Variants in AMMECR1L observed in about 807,000 individuals in gnomAD.
AMMECR1L encodes AMMECR1 like, also known as AMMECR1-like protein.
A neutral mutation model predicts 36.8 loss-of-function variants in AMMECR1L; 4 were observed. The ratio of observed to expected loss-of-function variants is 0.11; its 90% confidence interval spans 0.05 to 0.25. The LOEUF (loss-of-function observed/expected upper bound fraction) is 0.25. Among genes scored for constraint, AMMECR1L ranks in the 10% least tolerant of loss-of-function variants. The pLI, the probability that AMMECR1L is intolerant of heterozygous loss-of-function variation, is 1.00. For synonymous variants in AMMECR1L, 147 were observed against 148.0 expected (o/e 0.99, Z 0.05); for missense variants, 232 against 392.1 (o/e 0.59, Z 3.45).
intron 1 of AMMECR1L, chr2:127,884,927 C>G (rs984208322): frequency 1.3e-5 from 2 of 153,518 alleles, no homozygotes; most frequent in East Asian, 1.9e-4. Context: ...GTTTACATCT[C>G]CTGTGGGTGG....
chr2:127,867,393 G>T, intron 6 of AMMECR1L: 2 of 793,686 alleles, frequency 2.5e-6, no homozygotes, highest in Non-Finnish European at 3.1e-6. Flanking sequence ...TCCTTTGTGT[G>T]ATCTTCCTTC....
At chr2:127,878,898 T>C (rs1257596444) in intron 2 of AMMECR1L, among the ~76,000 whole-genome samples, 1 of 152,250 alleles carries the variant, frequency 6.6e-6, no homozygotes, top group African/African-American at 2.4e-5. Flanking sequence ...AAGGCATTTC[T>C]TTAAAAGCTT....
chr2:127,882,758 CA>C (rs1691567330), intron 2 of AMMECR1L, among the ~76,000 whole-genome samples: 1 of 151,540 alleles, frequency 6.6e-6, no homozygotes, highest in East Asian at 1.9e-4. Context: ...CACACTCGGC[CA>C]ATTTTTAAAA....
At position 127,885,033 on chromosome 2, in the gene AMMECR1L, A is replaced by G. The variant is rs1691691402; in HGVS notation, c.-148-721T>C. 6 of 442,930 alleles carry G rather than the reference A, an allele frequency of 1.4e-5. No homozygotes were observed. The South Asian group carries it at 6.3e-4, about 46-fold the overall frequency. The allele number at this position is 442,930 out of a possible 1,614,324, so 27.4% of individuals were successfully genotyped here. On this transcript the variant is annotated intron_variant, in intron 1 of 7. Coordinates refer to ENST00000272647, the MANE Select transcript of AMMECR1L (RefSeq NM_001199140.2). ...GGGAGCATGGCAAGGAGAGGAGTTC[A>G]GATCAGGACAGGGAATGTAGGAGGG... is the stretch of plus-strand genomic sequence containing the variant.
At chr2:127,866,205 A>C (rs532941861) in intron 7 of AMMECR1L, among the ~76,000 whole-genome samples, 3 of 152,330 alleles carry the variant, frequency 2.0e-5, no homozygotes, top group African/African-American at 7.2e-5. Context: ...TTCTGATTTC[A>C]ATAGGGATGA....
intron 6 of AMMECR1L, chr2:127,867,372 G>T: frequency 1.1e-6 from 1 of 881,340 alleles, no homozygotes; most frequent in Non-Finnish European, 1.4e-6. Flanking sequence ...TTTAAATTCT[G>T]CAACTTATAT....
In AMMECR1L at chr2:127,871,858, A is replaced by G. The variant is rs1161419110; in HGVS notation, c.408-499T>C. Among the ~76,000 whole-genome samples the G allele has an allele frequency of 6.6e-6, 1 of 152,174 alleles. No individual in the cohort carries two copies. The highest frequency in any genetic ancestry group is 1.5e-5 in the Non-Finnish European group (1 of 68,036). ...TTCCACTCACAAATTTTCAGAAAAA[A>G]AAGTTCCCTCAAAAAACATTTTTTA... On this transcript the variant is annotated intron_variant, in intron 3 of 7. Transcript: ENST00000272647. The surrounding 1 kb of genome is among the most constrained non-coding windows in gnomAD (Gnocchi z 4.3).
intron 6 of AMMECR1L, among the ~76,000 whole-genome samples, chr2:127,868,354 C>G (rs751269793): frequency 1.3e-5 from 2 of 152,162 alleles, no homozygotes; most frequent in Non-Finnish European, 2.9e-5. Flanking sequence ...CCTCCTTGTA[C>G]AGAGTGTGTT....
chr2:127,870,996 G>T, intron 4 of AMMECR1L, 68 bp from the exon 5 acceptor site: 2 of 1,212,976 alleles, frequency 1.6e-6, no homozygotes, highest in Non-Finnish European at 1.2e-6. Flanking sequence ...GTGCCATAGA[G>T]CCCACATATT....
chr2:127,875,781 C>CCTCTT (rs912483094), intron 2 of AMMECR1L, among the ~76,000 whole-genome samples: 15 of 136,938 alleles, frequency 1.1e-4, no homozygotes, highest in African/African-American at 4.1e-4. Flanking sequence ...CCTCCCCTCT[C>CCTCTT]CTCTTCTCTC....
Position 127,873,744 on chromosome 2 carries a change from C to G in AMMECR1L, c.407+84G>C. The G allele has an allele frequency of 6.3e-7, 1 of 1,598,738 alleles. No homozygotes were observed. The highest frequency in any genetic ancestry group is 8.5e-7 in the Non-Finnish European group (1 of 1,176,854). Reference sequence around the variant, plus strand: ...TTCCTCAAATGATAATAAAGACTTCCAAGTAGCAGACCCTCTCAAGAGAAT... The same window carrying G: ...TTCCTCAAATGATAATAAAGACTTCGAAGTAGCAGACCCTCTCAAGAGAAT... On this transcript the variant is annotated intron_variant, in intron 3 of 7. Coordinates refer to ENST00000272647, the MANE Select transcript of AMMECR1L (RefSeq NM_001199140.2). This position sits in a 1 kb window ranked among gnomAD's most constrained non-coding sequence, Gnocchi z 5.2.
chr2:127,873,371 C>G lies in AMMECR1L; in HGVS notation c.407+457G>C. The stretch of plus-strand genomic sequence containing the variant: ...GCCCTACAGGTTTACCAAGGGATTT[C>G]TCATGAACAAAGTGAGGGGACCCCT... On this transcript the variant is annotated intron_variant, in intron 3 of 7. Coordinates refer to ENST00000272647, the MANE Select transcript of AMMECR1L (RefSeq NM_001199140.2). The surrounding 1 kb of genome is among the most constrained non-coding windows in gnomAD (Gnocchi z 5.2). The G allele has an allele frequency of 1.0e-6, 1 of 985,434 alleles. No individual in the cohort carries two copies. The highest frequency in any genetic ancestry group is 4.7e-5 in the South Asian group (1 of 21,292). 61.0% of individuals were successfully genotyped at this position (985,434 alleles called of 1,614,324 possible).
intron 5 of AMMECR1L, among the ~76,000 whole-genome samples, chr2:127,870,594 G>C (rs1690919990): frequency 6.6e-6 from 1 of 152,110 alleles, no homozygotes; most frequent in African/African-American, 2.4e-5. Flanking sequence ...AAACCAAGCA[G>C]ACTAGGGAGA....
rs56950354 is a variant in AMMECR1L at position 127,880,773 on chromosome 2, TACAC to T, written c.-39+3426_-39+3429del. Among the ~76,000 whole-genome samples, 632 of 149,002 alleles carry T rather than the reference TACAC, an allele frequency of 4.2e-3. 2 individuals carry two copies. Among genetic ancestry groups the T allele is most frequent in the African/African-American group, 0.014 (569 of 40,516 alleles). The stretch of plus-strand genomic sequence containing the variant: ...CTAACATGGTGCCCTACATACAGTA[TACAC>T]ACACACACACACACACACACACTCC... On this transcript the variant is annotated intron_variant, in intron 2 of 7. Transcript: ENST00000272647.
chr2:127,881,181 C>G (rs1691484558), intron 2 of AMMECR1L, among the ~76,000 whole-genome samples: 1 of 151,936 alleles, frequency 6.6e-6, no homozygotes, highest in South Asian at 2.1e-4. Flanking sequence ...TGGGAAGAAT[C>G]ATTTTTTCCT....
rs1463278761 is a variant in AMMECR1L at position 127,874,320 on chromosome 2, G to A, written c.-38-48C>T. ...CATTAATTTGACTGGTTAGTTAAAA[G>A]GAGAGGAAAAAACATCAAAGATAGA... is the stretch of plus-strand genomic sequence containing the variant. On this transcript the variant is annotated intron_variant, in intron 2 of 7. Coordinates refer to ENST00000272647, the MANE Select transcript of AMMECR1L (RefSeq NM_001199140.2). The surrounding 1 kb of genome is among the most constrained non-coding windows in gnomAD (Gnocchi z 5.2). 9 of 1,517,168 alleles carry A rather than the reference G, an allele frequency of 5.9e-6. No individual in the cohort carries two copies. The Admixed American group carries it at 7.0e-5, about 12-fold the overall frequency. The allele number at this position is 1,517,168 out of a possible 1,614,324, so 94.0% of individuals were successfully genotyped here. A position where few individuals can be genotyped will look rare whatever the true frequency, so the allele number is the denominator to read the frequency against.
intron 6 of AMMECR1L, among the ~76,000 whole-genome samples, chr2:127,867,901 TC>T (rs936156019): frequency 4.6e-5 from 7 of 152,182 alleles, no homozygotes; most frequent in African/African-American, 1.7e-4. Flanking sequence ...AGACAGGTTC[TC>T]ACTCCTGTCA....
At position 127,862,800 on chromosome 2, in the gene AMMECR1L, C is replaced by T. The variant is rs891169639; in HGVS notation, c.*2294G>A. The stretch of plus-strand genomic sequence containing the variant: ...ATTCTTGTGCACTGATTTTTTTTTC[C>T]CCATTTCTCGGGTTTTAAAATTTTC... On this transcript the variant is annotated 3_prime_UTR_variant, in exon 8 of 8. Transcript: ENST00000272647. 1.3e-5 allele frequency: 2 copies of T among 152,138 alleles called. No individual in the cohort carries two copies. Among genetic ancestry groups the T allele is most frequent in the Non-Finnish European group, 1.5e-5 (1 of 67,976 alleles). The allele number at this position is 152,138 out of a possible 1,614,324, so 9.4% of individuals were successfully genotyped here. A position where few individuals can be genotyped will look rare whatever the true frequency, so the allele number is the denominator to read the frequency against.
chr2:127,877,627 C>T (rs1691310985), intron 2 of AMMECR1L, among the ~76,000 whole-genome samples: 1 of 152,188 alleles, frequency 6.6e-6, no homozygotes, highest in African/African-American at 2.4e-5. Context: ...TGAGCCACCG[C>T]ACCTGGGCCA....
Sources: allele counts gnomAD v4.1 joint callset (sites outside exome capture counted in the v4.1 genomes callset), GRCh38; gene constraint gnomAD v4.1.1; non-coding constraint Gnocchi (gnomAD v3.1); transcripts MANE v1.5; gene names NCBI Gene and HGNC (gene_info 2026-07-23, HGNC 2026-07-21).